The following PXK variants were observed in gnomAD, a reference collection of about 807,000 sequenced individuals.
The protein encoded by PXK is PX domain containing serine/threonine kinase like.
PXK carries 35 observed loss-of-function variants against 84.7 expected under a neutral mutation model. That is an observed-to-expected ratio of 0.41 (90% CI 0.32 to 0.55). The LOEUF (loss-of-function observed/expected upper bound fraction) is 0.55, where lower values mean the gene tolerates loss of function less well. Ranked by LOEUF, PXK falls within the 20% of genes least tolerant of loss-of-function variation. The pLI is 0.21. For missense variants in PXK, 634 were observed against 699.7 expected, an observed-to-expected ratio of 0.91 and a Z score of 1.06; for synonymous variants, 253 against 260.8, an observed-to-expected ratio of 0.97 and a Z score of 0.29.
At chr3:58,351,006 T>G (rs2097912216) in intron 1 of PXK, among the ~76,000 whole-genome samples, 1 of 152,192 alleles carries the variant, frequency 6.6e-6, no homozygotes, top group Non-Finnish European at 1.5e-5. Context: ...TTAGCAGCCC[T>G]GTTACAAGTA....
chr3:58,347,677 C>T (rs2097848341), intron 1 of PXK, among the ~76,000 whole-genome samples: 1 of 152,132 alleles, frequency 6.6e-6, no homozygotes, highest in South Asian at 2.1e-4. Flanking sequence ...ATACAGCTGC[C>T]ATGAATATTT....
In PXK at chr3:58,370,327, G is replaced by C. The variant is rs1451799016; in HGVS notation, c.201+849G>C. ...AGGTCTTCATCTAGAAACACAGCCA[G>C]TGTTGGTAATGGTTAAAGGGTCCAA... On this transcript the variant is annotated intron_variant, in intron 3 of 17. Transcript: ENST00000356151. This position sits in a 1 kb window ranked among gnomAD's most constrained non-coding sequence, Gnocchi z 4.2. Among the ~76,000 whole-genome samples the C allele has an allele frequency of 6.6e-6, 1 of 152,210 alleles. No homozygotes were observed. The highest frequency in any genetic ancestry group is 2.4e-5 in the African/African-American group (1 of 41,460).
intron 3 of PXK, among the ~76,000 whole-genome samples, chr3:58,372,472 G>A (rs1431741767): frequency 1.3e-5 from 2 of 151,780 alleles, no homozygotes; most frequent in Non-Finnish European, 2.9e-5. Flanking sequence ...ACAGGCGCCC[G>A]CCACCACGCC....
At chr3:58,423,389 G>T (rs1413724446) in intron 17 of PXK, 1 of 1,501,356 alleles carries the variant, frequency 6.7e-7, no homozygotes, top group Non-Finnish European at 9.0e-7. Context: ...GTCTTTATTT[G>T]TATTGCTATC....
At position 58,334,951 on chromosome 3, in the gene PXK, G is replaced by GTGTGTC. The variant is rs1553732685; in HGVS notation, c.102+1866_102+1867insCTGTGT. Reference sequence around the variant, plus strand: ...AGGGTGTGTGTGTGTGTGTGTGTGTGTGTGTGTCTGTGTGTGTGTGTGTGT... The same window carrying GTGTGTC: ...AGGGTGTGTGTGTGTGTGTGTGTGTGTGTGTCTGTGTGTCTGTGTGTGTGTGTGTGT... On this transcript the variant is annotated intron_variant, in intron 1 of 17. Coordinates refer to ENST00000356151, the MANE Select transcript of PXK (RefSeq NM_017771.5). 6.4e-3 allele frequency among the ~76,000 whole-genome samples: 807 copies of GTGTGTC among 125,336 alleles called. 3 individuals are homozygous for GTGTGTC. The highest frequency in any genetic ancestry group is 0.028 in the African/African-American group (774 of 27,446). 82.2% of individuals were successfully genotyped at this position (125,336 alleles called of 152,430 possible).
intron 2 of PXK, among the ~76,000 whole-genome samples, chr3:58,366,879 T>G (rs529000488): frequency 6.6e-6 from 1 of 152,250 alleles, no homozygotes; most frequent in Non-Finnish European, 1.5e-5. Flanking sequence ...AGAGTAGAGT[T>G]GGAATTTGCT....
At chr3:58,410,290 T>G in intron 16 of PXK, 131 bp downstream of exon 16, 1 of 610,568 alleles carries the variant, frequency 1.6e-6, no homozygotes, top group Non-Finnish European at 2.9e-6. Context: ...GAGAACAAAA[T>G]AACTCCGTCT....
At chr3:58,422,221 G>A in intron 17 of PXK, 1 of 985,390 alleles carries the variant, frequency 1.0e-6, no homozygotes, top group African/African-American at 1.7e-5. Context: ...CGAGTCCCAG[G>A]TCTGTGTTCC....
At chr3:58,413,156 C>G in intron 17 of PXK, 193 bp downstream of exon 17, 2 of 647,390 alleles carry the variant, frequency 3.1e-6, no homozygotes, top group Non-Finnish European at 5.4e-6. Context: ...GCTCGGCTTT[C>G]ACAGGGAATG....
chr3:58,370,293 T>C lies in PXK; in HGVS notation c.201+815T>C, dbSNP rs1390667022. Among the ~76,000 whole-genome samples the C allele has an allele frequency of 2.6e-5, 4 of 152,192 alleles. No homozygotes were observed. In the East Asian group the frequency reaches 5.8e-4, roughly 22 times the overall value. ...TTGAGGGCCATAATGGGAAGAAGCA[T>C]GAGCTGGAAGGTCTTCATCTAGAAA... On this transcript the variant is annotated intron_variant, in intron 3 of 17. Coordinates refer to ENST00000356151, the MANE Select transcript of PXK (RefSeq NM_017771.5). This position sits in a 1 kb window ranked among gnomAD's most constrained non-coding sequence, Gnocchi z 4.2.
intron 13 of PXK, among the ~76,000 whole-genome samples, chr3:58,406,013 A>G (rs905290213): frequency 1.3e-5 from 2 of 152,102 alleles, no homozygotes; most frequent in South Asian, 2.1e-4. Context: ...CTTGTCACCC[A>G]GGCTGGAGTA....
At position 58,354,432 on chromosome 3, in the gene PXK, G is replaced by A. The variant is rs148133525; in HGVS notation, c.103-11442G>A. On this transcript the variant is annotated intron_variant, in intron 1 of 17. Coordinates refer to ENST00000356151, the MANE Select transcript of PXK (RefSeq NM_017771.5). ...ATGCAAGGTTTTTTATTTTTGTGGT[G>A]TGGAGCTGCTTCCTAGTTTTTTTTT... is the stretch of plus-strand genomic sequence containing the variant. Among the ~76,000 whole-genome samples the A allele has an allele frequency of 1.7e-4, 26 of 151,654 alleles. No individual in the cohort carries two copies. In the East Asian group the frequency reaches 4.8e-3, roughly 28 times the overall value.
At chr3:58,405,395 T>C (rs1316599227) in intron 13 of PXK, among the ~76,000 whole-genome samples, 1 of 152,014 alleles carries the variant, frequency 6.6e-6, no homozygotes, top group African/African-American at 2.4e-5. Flanking sequence ...AATTAAGAAA[T>C]GGCCCGGGCG....
chr3:58,342,345 C>T (rs28659863), intron 1 of PXK, among the ~76,000 whole-genome samples: 19,159 of 149,660 alleles, frequency 0.13, 1,669 homozygotes, highest in African/African-American at 0.24. Context: ...GAATCACTGC[C>T]GGAAAAACTT....
chr3:58,354,447 A>AATT (rs1559898591), intron 1 of PXK, among the ~76,000 whole-genome samples: 4 of 141,312 alleles, frequency 2.8e-5, no homozygotes, highest in African/African-American at 8.2e-5. Context: ...GCTGCTTCCT[A>AATT]GTTTTTTTTT....
chr3:58,336,081 T>A (rs1360916052), intron 1 of PXK, among the ~76,000 whole-genome samples: 370 of 93,592 alleles, frequency 4.0e-3, no homozygotes, highest in African/African-American at 0.016. Flanking sequence ...ATTTTTTTTT[T>A]TTTTTTTTAA....
At chr3:58,350,924 A>G (rs2097910601) in intron 1 of PXK, among the ~76,000 whole-genome samples, 1 of 152,180 alleles carries the variant, frequency 6.6e-6, no homozygotes. Flanking sequence ...GATGGTGACC[A>G]TTATTAAAAC....
At chr3:58,422,280 CAG>C (rs1382120248) in intron 17 of PXK, 15 of 985,410 alleles carry the variant, frequency 1.5e-5, no homozygotes, top group East Asian at 1.1e-4. Context: ...CTCTCCCCTC[CAG>C]AGTGTTCCAA....
At chr3:58,403,732 G>T in intron 12 of PXK, 130 bp from the exon 13 acceptor site, 1 of 442,866 alleles carries the variant, frequency 2.3e-6, no homozygotes. Context: ...GGTGGATTGG[G>T]CCAGGGGCTG....
Sources: gnomAD v4.1 joint callset for allele counts (sites outside exome capture counted in the v4.1 genomes callset) on GRCh38, gnomAD v4.1.1 for gene constraint, Gnocchi (gnomAD v3.1) non-coding constraint, MANE v1.5 for transcripts, NCBI Gene and HGNC (gene_info 2026-07-23, HGNC 2026-07-21) for gene names.